FUT9: variants seen among roughly 807,000 people sequenced by gnomAD.
The protein encoded by FUT9 is fucosyltransferase 9.
Under a neutral mutation model 29.7 loss-of-function variants are expected in FUT9, and 15 were observed. That is an observed-to-expected ratio of 0.51 (90% CI 0.34 to 0.78). The LOEUF (loss-of-function observed/expected upper bound fraction) is 0.78. Ranked by LOEUF, FUT9 falls within the 30% of genes least tolerant of loss-of-function variation. The pLI is 0.01. For synonymous variants in FUT9, 169 were observed against 153.7 expected (o/e 1.10, Z -0.74); for missense variants, 319 against 425.4 (o/e 0.75, Z 2.20).
rs550757417 is a variant in FUT9, at chr6:96,105,349, T to C, written c.-97-8690T>C. On this transcript the variant is annotated intron_variant, in intron 1 of 2. Transcript: ENST00000302103. The stretch of plus-strand genomic sequence containing the variant: ...GCAGTTAAAATTGGAGTGGACTCTT[T>C]TTCTTTCCCAGAACATTCATTGTTT... 2.0e-5 allele frequency among the ~76,000 whole-genome samples: 3 copies of C among 152,338 alleles called. No individual in the cohort carries two copies. In the East Asian group the frequency reaches 5.8e-4, roughly 29 times the overall value.
intron 1 of FUT9, among the ~76,000 whole-genome samples, chr6:96,079,759 T>A (rs540920962): frequency 2.0e-5 from 3 of 152,204 alleles, no homozygotes; most frequent in South Asian, 2.1e-4. Flanking sequence ...TCATATTTTT[T>A]AATAGTTTTG....
chr6:96,063,567 G>A (rs1330439009), intron 1 of FUT9, among the ~76,000 whole-genome samples: 3 of 152,128 alleles, frequency 2.0e-5, no homozygotes, highest in Non-Finnish European at 4.4e-5. Context: ...CAACACTGGG[G>A]ATTACATTTC....
At chr6:96,166,391 TTAA>T (rs1773016699) in intron 2 of FUT9, among the ~76,000 whole-genome samples, 1 of 152,192 alleles carries the variant, frequency 6.6e-6, no homozygotes. Context: ...TATTTTTTTC[TTAA>T]TAATGTTATA....
chr6:96,040,699 G>T (rs1157378486), intron 1 of FUT9, among the ~76,000 whole-genome samples: 2 of 151,848 alleles, frequency 1.3e-5, no homozygotes, highest in African/African-American at 4.8e-5. Flanking sequence ...ATGTAAAAAG[G>T]TACCTGTTTT....
At chr6:96,055,703 CTTTTTCTTTTT>C (rs151182478) in intron 1 of FUT9, among the ~76,000 whole-genome samples, 15,996 of 103,608 alleles carry the variant, frequency 0.15, 1,279 homozygotes, top group Non-Finnish European at 0.2. Context: ...TTTTCTATTT[CTTTTTCTTTTT>C]TTTTTTTTTT....
At chr6:96,073,376 G>A (rs1562116483) in intron 1 of FUT9, among the ~76,000 whole-genome samples, 1 of 151,636 alleles carries the variant, frequency 6.6e-6, no homozygotes, top group Non-Finnish European at 1.5e-5. Context: ...TTGAACCCAG[G>A]AGGCTGAGGT....
chr6:96,049,909 T>A (rs770174102), intron 1 of FUT9, among the ~76,000 whole-genome samples: 1 of 152,328 alleles, frequency 6.6e-6, no homozygotes, highest in Middle Eastern at 3.4e-3. Context: ...ATATGCTATC[T>A]GTCATTTATT....
chr6:96,134,009 C>T (rs1164456836), intron 2 of FUT9, among the ~76,000 whole-genome samples: 1 of 150,892 alleles, frequency 6.6e-6, no homozygotes, highest in African/African-American at 2.4e-5. Context: ...TTTTTTGACT[C>T]CTAAGTATAG....
chr6:96,119,922 A>G (rs1771989512), intron 2 of FUT9, among the ~76,000 whole-genome samples: 1 of 152,204 alleles, frequency 6.6e-6, no homozygotes, highest in South Asian at 2.1e-4. Flanking sequence ...GTTATTAACA[A>G]TAAAAGAAGA....
rs559934819 is a variant in FUT9, at chr6:96,077,725, T to A, written c.-97-36314T>A. ...TTGGAGCATATCCTACAATAACGTC[T>A]GAAAGAACACATGAAAATACACTTT... is the stretch of plus-strand genomic sequence containing the variant. On this transcript the variant is annotated intron_variant, in intron 1 of 2. Coordinates refer to ENST00000302103, the MANE Select transcript of FUT9 (RefSeq NM_006581.4). 3.3e-5 allele frequency among the ~76,000 whole-genome samples: 5 copies of A among 152,344 alleles called. No homozygotes were observed. In the East Asian group the frequency reaches 9.6e-4, roughly 29 times the overall value.
intron 1 of FUT9, among the ~76,000 whole-genome samples, chr6:96,041,482 A>T (rs913247847): frequency 3.3e-5 from 5 of 152,130 alleles, no homozygotes; most frequent in African/African-American, 1.2e-4. Flanking sequence ...TTATCTATGG[A>T]TTTCCTTCCA....
At chr6:96,151,905 A>G (rs907393383) in intron 2 of FUT9, among the ~76,000 whole-genome samples, 4 of 152,236 alleles carry the variant, frequency 2.6e-5, no homozygotes, top group African/African-American at 7.2e-5. Context: ...AATTTGGGAT[A>G]GAAAACAATA....
At chr6:96,075,731 G>C (rs540756523) in intron 1 of FUT9, among the ~76,000 whole-genome samples, 8 of 152,078 alleles carry the variant, frequency 5.3e-5, no homozygotes, top group Non-Finnish European at 1.2e-4. Context: ...TGCTTCATCA[G>C]CTGAAATTAG....
rs1773963533 is a variant in FUT9 at position 96,212,815 on chromosome 6, G to C, written c.*8580G>C. 1 of 167,044 alleles carries C rather than the reference G, an allele frequency of 6.0e-6. No individual in the cohort carries two copies. The highest frequency in any genetic ancestry group is 1.5e-5 in the Non-Finnish European group (1 of 68,204). The allele number at this position is 167,044 out of a possible 1,614,324, so 10.3% of individuals were successfully genotyped here. A position where few individuals can be genotyped will look rare whatever the true frequency, so the allele number is the denominator to read the frequency against. Reference sequence around the variant, plus strand: ...TAAGGAGCTAACAAGTCTGTACCTAGATTCAAGTTCACAAAGCGGCAAAAA... The same window carrying C: ...TAAGGAGCTAACAAGTCTGTACCTACATTCAAGTTCACAAAGCGGCAAAAA... On this transcript the variant is annotated 3_prime_UTR_variant, in exon 3 of 3. Transcript: ENST00000302103.
intron 2 of FUT9, among the ~76,000 whole-genome samples, chr6:96,174,613 A>G (rs1211655757): frequency 6.6e-6 from 1 of 152,138 alleles, no homozygotes; most frequent in Non-Finnish European, 1.5e-5. Context: ...TAAGAGGCTC[A>G]CTATTACCAC....
intron 2 of FUT9, among the ~76,000 whole-genome samples, chr6:96,143,432 T>C (rs983662286): frequency 2.0e-5 from 3 of 152,240 alleles, no homozygotes; most frequent in Non-Finnish European, 4.4e-5. Context: ...ATGTCATGGC[T>C]AGATAGCAGA....
Position 96,204,211 on chromosome 6 carries a change from T to C in FUT9, c.1056T>C (p.Asn352=), listed in dbSNP as rs1773783969. Reference sequence around the variant, plus strand: ...ATCAAGAATATAAGTCTGTTGGTAATTTAGAGAAATGGTTTTGGAATTAAA... The same window carrying C: ...ATCAAGAATATAAGTCTGTTGGTAACTTAGAGAAATGGTTTTGGAATTAAA... ...KRHQEYKSVG[N]LEKWFWN Residue 352 remains asparagine, a synonymous_variant, in exon 3 of 3, where the codon AAT becomes AAC. Coordinates refer to ENST00000302103, the MANE Select transcript of FUT9 (RefSeq NM_006581.4). 1 of 1,442,682 alleles carries C rather than the reference T, an allele frequency of 6.9e-7. No homozygotes were observed. The highest frequency in any genetic ancestry group is 2.6e-5 in the Admixed American group (1 of 39,112). 89.4% of individuals were successfully genotyped at this position (1,442,682 alleles called of 1,614,324 possible). A position where few individuals can be genotyped will look rare whatever the true frequency, so the allele number is the denominator to read the frequency against.
intron 2 of FUT9, among the ~76,000 whole-genome samples, chr6:96,192,741 C>G (rs1324553854): frequency 6.6e-6 from 1 of 152,000 alleles, no homozygotes; most frequent in African/African-American, 2.4e-5. Context: ...GCCTGCATCA[C>G]CAAGTCAATC....
rs1170712407 is a variant in FUT9, at chr6:96,119,900, G to A, written c.-9+5773G>A. ...TACTAGGCTATTTGAGGAACTTCTTGAATATGAGGGGGTTATTAACAATAA... is the reference window on the plus strand; with the variant it reads ...TACTAGGCTATTTGAGGAACTTCTTAAATATGAGGGGGTTATTAACAATAA... On this transcript the variant is annotated intron_variant, in intron 2 of 2. Transcript: ENST00000302103. Among the ~76,000 whole-genome samples the A allele has an allele frequency of 2.6e-5, 4 of 152,050 alleles. No homozygotes were observed. The East Asian group carries it at 7.7e-4, about 29-fold the overall frequency.
Sources: allele counts gnomAD v4.1 joint callset (sites outside exome capture counted in the v4.1 genomes callset), GRCh38; gene constraint gnomAD v4.1.1; transcripts MANE v1.5; gene names NCBI Gene and HGNC (gene_info 2026-07-23, HGNC 2026-07-21).